The following TMEM132D variants were observed in gnomAD, a reference collection of about 807,000 sequenced individuals.
TMEM132D encodes the protein mature OL transmembrane protein.
In TMEM132D, 21 loss-of-function variants were observed where a neutral mutation model predicts 62.3. The observed-to-expected ratio is 0.34, with a 90% CI of 0.24 to 0.49. TMEM132D has a LOEUF of 0.49. Ranked by LOEUF, TMEM132D falls within the 20% of genes least tolerant of loss-of-function variation. The probability of loss-of-function intolerance (pLI) is 0.99; values close to 1 mark genes in which losing one functional copy is unlikely to be tolerated. For synonymous variants in TMEM132D, 621 were observed against 575.6 expected (o/e 1.08, Z -1.13); for missense variants, 1,346 against 1,402.8 (o/e 0.96, Z 0.65).
chr12:129,634,473 CAAAA>C (rs71451324), intron 2 of TMEM132D, among the ~76,000 whole-genome samples: 1 of 129,472 alleles, frequency 7.7e-6, no homozygotes, highest in Non-Finnish European at 1.6e-5. Context: ...AACCTTGTCT[CAAAA>C]AAAAAAAAAA....
chr12:129,235,870 A>G (rs1252473514), intron 4 of TMEM132D, among the ~76,000 whole-genome samples: 1 of 152,140 alleles, frequency 6.6e-6, no homozygotes, highest in African/African-American at 2.4e-5. Context: ...ATTAAAAAAA[A>G]CATTTCTATG....
At chr12:129,213,367 C>T (rs1879108933) in intron 4 of TMEM132D, among the ~76,000 whole-genome samples, 1 of 152,118 alleles carries the variant, frequency 6.6e-6, no homozygotes, top group Admixed American at 6.5e-5. Flanking sequence ...TGTGATGGTA[C>T]ATGCCTGTAG....
chr12:129,806,958 T>C (rs1030822321), intron 1 of TMEM132D, among the ~76,000 whole-genome samples: 15 of 152,060 alleles, frequency 9.9e-5, no homozygotes, highest in African/African-American at 3.6e-4. Context: ...CATTCAAGCC[T>C]GGGAGGTGGG....
At chr12:129,583,104 A>G (rs536978214) in intron 2 of TMEM132D, among the ~76,000 whole-genome samples, 3 of 152,330 alleles carry the variant, frequency 2.0e-5, no homozygotes, top group African/African-American at 7.2e-5. Flanking sequence ...CACTGTGCCC[A>G]GCCCTGAGAC....
intron 5 of TMEM132D, chr12:129,209,011 G>A (rs1347690967): frequency 6.5e-6 from 1 of 152,820 alleles, no homozygotes; most frequent in Non-Finnish European, 1.5e-5. Flanking sequence ...CTGGGCAGAG[G>A]AATGGAGAAT....
chr12:129,888,444 T>TA (rs747028315), intron 1 of TMEM132D, among the ~76,000 whole-genome samples: 1 of 152,198 alleles, frequency 6.6e-6, no homozygotes, highest in Non-Finnish European at 1.5e-5. Context: ...ACACCTGTAA[T>TA]ACCAGCACTT....
Position 129,133,388 on chromosome 12 carries a change from C to T in TMEM132D, c.1444-48686G>A, listed in dbSNP as rs116768264. 3.2e-3 allele frequency among the ~76,000 whole-genome samples: 484 copies of T among 152,316 alleles called. 1 individual carries two copies. The highest frequency in any genetic ancestry group is 0.01 in the African/African-American group (429 of 41,568). ...ATGGACCAGCAAAATATGGTCCACA[C>T]GTATAATCAAATATTATTCAGCCTT... On this transcript the variant is annotated intron_variant, in intron 5 of 8. Transcript: ENST00000422113.
At chr12:129,813,217 C>G (rs1872240931) in intron 1 of TMEM132D, among the ~76,000 whole-genome samples, 1 of 151,810 alleles carries the variant, frequency 6.6e-6, no homozygotes, top group African/African-American at 2.4e-5. Context: ...CTAGTCCACG[C>G]TGTCCTCATC....
chr12:129,765,496 G>A (rs994418314), intron 1 of TMEM132D, among the ~76,000 whole-genome samples: 3 of 151,890 alleles, frequency 2.0e-5, no homozygotes, highest in South Asian at 2.1e-4. Flanking sequence ...AATCCAGGAG[G>A]TGGAGGTTGC....
At chr12:129,873,578 G>A (rs1874324291) in intron 1 of TMEM132D, among the ~76,000 whole-genome samples, 1 of 152,264 alleles carries the variant, frequency 6.6e-6, no homozygotes, top group Non-Finnish European at 1.5e-5. Context: ...GCGTGAACCT[G>A]GGCACAAAGA....
rs917740773 is a variant in TMEM132D at position 129,281,219 on chromosome 12, A to G, written c.1299+56415T>C. Among the ~76,000 whole-genome samples, 8 of 152,124 alleles carry G rather than the reference A, an allele frequency of 5.3e-5. No homozygotes were observed. The East Asian group carries it at 1.3e-3, about 26-fold the overall frequency. The stretch of plus-strand genomic sequence containing the variant: ...AAGAGCTTTGTCTTTCACTGAATAC[A>G]TACCCAACGGATGCCCCATACTGTC... On this transcript the variant is annotated intron_variant, in intron 4 of 8. Coordinates refer to ENST00000422113, the MANE Select transcript of TMEM132D (RefSeq NM_133448.3).
intron 2 of TMEM132D, among the ~76,000 whole-genome samples, chr12:129,644,435 A>T (rs1879718864): frequency 6.6e-6 from 1 of 152,100 alleles, no homozygotes; most frequent in South Asian, 2.1e-4. Flanking sequence ...TTGCAGCTGT[A>T]ATAGACTATC....
At chr12:129,219,711 A>T (rs570030611) in intron 4 of TMEM132D, among the ~76,000 whole-genome samples, 22 of 152,360 alleles carry the variant, frequency 1.4e-4, no homozygotes, top group African/African-American at 5.3e-4. Context: ...TTCTTCACTC[A>T]TGTGCTTATA....
At chr12:129,604,576 A>G (rs1878566282) in intron 2 of TMEM132D, among the ~76,000 whole-genome samples, 1 of 152,166 alleles carries the variant, frequency 6.6e-6, no homozygotes, top group Admixed American at 6.5e-5. Flanking sequence ...AGATGTCATC[A>G]TTTCCAGACC....
chr12:129,149,753 C>A (rs1159662449), intron 5 of TMEM132D, among the ~76,000 whole-genome samples: 1 of 152,224 alleles, frequency 6.6e-6, no homozygotes, highest in African/African-American at 2.4e-5. Context: ...AGCTGCCCAA[C>A]ACTGGGGGGC....
Position 129,565,531 on chromosome 12 carries a change from T to A in TMEM132D, c.969-34326A>T, listed in dbSNP as rs191990957. 9.3e-4 allele frequency among the ~76,000 whole-genome samples: 141 copies of A among 152,380 alleles called. 1 individual carries two copies. The highest frequency in any genetic ancestry group is 3.3e-3 in the African/African-American group (137 of 41,598). On this transcript the variant is annotated intron_variant, in intron 2 of 8. Coordinates refer to ENST00000422113, the MANE Select transcript of TMEM132D (RefSeq NM_133448.3). The stretch of plus-strand genomic sequence containing the variant: ...CAGGTGCAAGCCCCTCTTTCCATTA[T>A]GCCCTGAACTAGTTTTTCAGGCTAA...
chr12:129,886,791 C>T (rs769939951), intron 1 of TMEM132D, among the ~76,000 whole-genome samples: 2 of 152,118 alleles, frequency 1.3e-5, no homozygotes, highest in South Asian at 4.1e-4. Flanking sequence ...GTGGGAGGTA[C>T]CTGAATCATG....
chr12:129,459,505 C>T (rs1019958758), intron 3 of TMEM132D, among the ~76,000 whole-genome samples: 9 of 152,092 alleles, frequency 5.9e-5, no homozygotes, highest in Admixed American at 2.6e-4. Context: ...TAATAAGATG[C>T]GTTCCATTTC....
intron 3 of TMEM132D, among the ~76,000 whole-genome samples, chr12:129,353,862 C>T (rs1240071212): frequency 6.6e-6 from 1 of 151,814 alleles, no homozygotes; most frequent in African/African-American, 2.4e-5. Context: ...CTGACTGACT[C>T]CACAGGTGTG....
Sources: gnomAD v4.1 joint callset for allele counts (sites outside exome capture counted in the v4.1 genomes callset) on GRCh38, gnomAD v4.1.1 for gene constraint, MANE v1.5 for transcripts, NCBI Gene and HGNC (gene_info 2026-07-23, HGNC 2026-07-21) for gene names.